DAB1: variants seen among roughly 807,000 people sequenced by gnomAD.
DAB1 encodes the protein disabled homolog 1.
DAB1 carries 15 observed loss-of-function variants against 64.6 expected under a neutral mutation model. The observed-to-expected ratio is 0.23, with a 90% CI of 0.16 to 0.36. The LOEUF is 0.36. DAB1 is among the 10% of genes least tolerant of loss of function. The pLI is 1.00. For synonymous variants in DAB1, 235 were observed against 251.9 expected, an observed-to-expected ratio of 0.93 and a Z score of 0.64; for missense variants, 596 against 706.7, an observed-to-expected ratio of 0.84 and a Z score of 1.78.
intron 7 of DAB1, among the ~76,000 whole-genome samples, chr1:57,538,558 A>G (rs1644758160): frequency 6.6e-6 from 1 of 152,206 alleles, no homozygotes; most frequent in African/African-American, 2.4e-5. Context: ...GCTTTAGACA[A>G]GAAAGAGCTG....
intron 4 of DAB1, among the ~76,000 whole-genome samples, chr1:58,157,395 A>T (rs894189774): frequency 6.6e-6 from 1 of 152,080 alleles, no homozygotes; most frequent in African/African-American, 2.4e-5. Context: ...TTTTGTGTAC[A>T]TTGTGCTCTC....
intron 5 of DAB1, among the ~76,000 whole-genome samples, chr1:58,061,413 C>T (rs192096573): frequency 6.6e-6 from 1 of 152,282 alleles, no homozygotes; most frequent in Non-Finnish European, 1.5e-5. Context: ...CAGGCTTCTC[C>T]TCTAGCTTCT....
intron 1 of DAB1, among the ~76,000 whole-genome samples, chr1:57,304,031 G>A (rs1673915823): frequency 6.6e-6 from 1 of 152,152 alleles, no homozygotes; most frequent in Non-Finnish European, 1.5e-5. Context: ...ATCACTGTTT[G>A]TATTAGTCCA....
At chr1:58,218,154 A>T (rs1411352718) in intron 4 of DAB1, among the ~76,000 whole-genome samples, 1 of 152,114 alleles carries the variant, frequency 6.6e-6, no homozygotes, top group Non-Finnish European at 1.5e-5. Flanking sequence ...GTAGGGGGAC[A>T]GAGAGAAAGG....
chr1:58,484,628 TTTTAACAGC>T (rs1446154646), intron 3 of DAB1, among the ~76,000 whole-genome samples: 1 of 152,332 alleles, frequency 6.6e-6, no homozygotes, highest in East Asian at 1.9e-4. Context: ...TGGTAAATGT[TTTTAACAGC>T]TTTATTTGCT....
chr1:57,814,101 C>G (rs1255238277), intron 6 of DAB1, among the ~76,000 whole-genome samples: 1 of 152,120 alleles, frequency 6.6e-6, no homozygotes. Context: ...AGGCTCCCGT[C>G]TATGTGTGGG....
chr1:57,126,251 A>C (rs1557767177), intron 4 of DAB1, among the ~76,000 whole-genome samples: 1 of 152,226 alleles, frequency 6.6e-6, no homozygotes, highest in Non-Finnish European at 1.5e-5. Context: ...CTAGAATCAA[A>C]AATTAAGTAT....
chr1:58,403,798 A>T (rs1269484453), intron 3 of DAB1, among the ~76,000 whole-genome samples: 7 of 152,122 alleles, frequency 4.6e-5, no homozygotes, highest in Non-Finnish European at 1.0e-4. Context: ...CATGTTTGCA[A>T]ATGTGCATGC....
chr1:57,863,819 C>T (rs1452127779), intron 1 of DAB1, among the ~76,000 whole-genome samples: 1 of 152,104 alleles, frequency 6.6e-6, no homozygotes, highest in African/African-American at 2.4e-5. Flanking sequence ...AAAGAAACAA[C>T]AAGAACTGAA....
intron 7 of DAB1, among the ~76,000 whole-genome samples, chr1:57,599,599 G>T (rs960763099): frequency 5.9e-5 from 9 of 152,070 alleles, no homozygotes; most frequent in Admixed American, 5.9e-4. Flanking sequence ...GGAGATAATC[G>T]TACTTACTGA....
intron 3 of DAB1, among the ~76,000 whole-genome samples, chr1:58,350,471 C>G (rs1167047730): frequency 6.6e-6 from 1 of 152,154 alleles, no homozygotes; most frequent in Admixed American, 6.5e-5. Flanking sequence ...AATTAGATCC[C>G]ATTTGTCAAT....
At chr1:57,997,278 C>CTG (rs1303339691) in intron 5 of DAB1, among the ~76,000 whole-genome samples, 2 of 152,208 alleles carry the variant, frequency 1.3e-5, no homozygotes, top group Non-Finnish European at 2.9e-5. Flanking sequence ...AAGTAAAACA[C>CTG]TGTGCATGCA....
chr1:57,537,958 C>CT (rs888116183), intron 7 of DAB1, among the ~76,000 whole-genome samples: 33 of 152,118 alleles, frequency 2.2e-4, no homozygotes, highest in Admixed American at 5.9e-4. Flanking sequence ...GCATGCAAGG[C>CT]TTTTTTTAAC....
chr1:57,915,328 T>C (rs1467320790), intron 5 of DAB1, among the ~76,000 whole-genome samples: 1 of 152,172 alleles, frequency 6.6e-6, no homozygotes, highest in Admixed American at 6.5e-5. Flanking sequence ...TTTAGAAATA[T>C]ATAGAGAGAT....
chr1:57,798,513 C>T (rs187280005), intron 6 of DAB1, among the ~76,000 whole-genome samples: 84 of 152,326 alleles, frequency 5.5e-4, no homozygotes, highest in African/African-American at 1.7e-3. Flanking sequence ...CCCCCAACTA[C>T]GTGCTGATTC....
At chr1:58,049,163 A>T in intron 5 of DAB1, 1 of 782,878 alleles carries the variant, frequency 1.3e-6, no homozygotes, top group Admixed American at 1.7e-5. Flanking sequence ...TCAGGACCAC[A>T]CAGTCCGTGA....
intron 3 of DAB1, among the ~76,000 whole-genome samples, chr1:58,495,107 A>G (rs919714113): frequency 1.3e-5 from 2 of 152,212 alleles, no homozygotes; most frequent in African/African-American, 4.8e-5. Flanking sequence ...GGATGAGTTC[A>G]TGTCCTTTGT....
chr1:58,501,854 G>C (rs981848397), intron 3 of DAB1, among the ~76,000 whole-genome samples: 3 of 152,224 alleles, frequency 2.0e-5, no homozygotes, highest in Non-Finnish European at 4.4e-5. Context: ...GGTCTGAAGG[G>C]TGGGGCCCTG....
chr1:58,262,200 G>A (rs572941194), intron 4 of DAB1, among the ~76,000 whole-genome samples: 1 of 152,180 alleles, frequency 6.6e-6, no homozygotes, highest in East Asian at 1.9e-4. Flanking sequence ...AAGAGGAGGA[G>A]CCTATAGAGG....
Sources: allele counts gnomAD v4.1 joint callset (sites outside exome capture counted in the v4.1 genomes callset), GRCh38; gene constraint gnomAD v4.1.1; transcripts MANE v1.5; gene names NCBI Gene and HGNC (gene_info 2026-07-23, HGNC 2026-07-21).